Variants in ST6GALNAC3 observed in about 807,000 individuals in gnomAD.
The protein encoded by ST6GALNAC3 is alpha-N-acetylgalactosaminide alpha-2,6-sialyltransferase 3.
ST6GALNAC3 carries 25 observed loss-of-function variants against 32.7 expected under a neutral mutation model. That is an observed-to-expected ratio of 0.76 (90% CI 0.56 to 1.07). The LOEUF is 1.07. ST6GALNAC3 is among the 50% of genes least tolerant of loss of function. The pLI, the probability that ST6GALNAC3 is intolerant of heterozygous loss-of-function variation, is 0.00. For missense variants in ST6GALNAC3, 355 were observed against 382.4 expected, an observed-to-expected ratio of 0.93 and a Z score of 0.60; for synonymous variants, 129 against 133.1, an observed-to-expected ratio of 0.97 and a Z score of 0.21.
At chr1:76,119,808 A>G (rs370544772) in intron 1 of ST6GALNAC3, among the ~76,000 whole-genome samples, 148,603 of 151,850 alleles carry the variant, frequency 0.98, 72,791 homozygotes, top group East Asian at 1. Context: ...TGATGATAAT[A>G]GATATATGTA....
intron 1 of ST6GALNAC3, among the ~76,000 whole-genome samples, chr1:76,131,359 C>T (rs1295427714): frequency 6.6e-6 from 1 of 152,178 alleles, no homozygotes; most frequent in Non-Finnish European, 1.5e-5. Context: ...AAATCAAGCC[C>T]TACCCATTGC....
At chr1:76,157,128 T>C (rs1249522925) in intron 1 of ST6GALNAC3, among the ~76,000 whole-genome samples, 6 of 148,364 alleles carry the variant, frequency 4.0e-5, no homozygotes. Context: ...AGCTCTCAGC[T>C]GACAGCAAGA....
chr1:76,334,953 A>G (rs577904874), intron 2 of ST6GALNAC3, among the ~76,000 whole-genome samples: 1 of 152,338 alleles, frequency 6.6e-6, no homozygotes, highest in East Asian at 1.9e-4. Context: ...TTCTGGTCAC[A>G]AAAACAATCA....
At chr1:76,193,834 A>G (rs72674495) in intron 1 of ST6GALNAC3, among the ~76,000 whole-genome samples, 4,254 of 152,284 alleles carry the variant, frequency 0.028, 112 homozygotes, top group African/African-American at 0.073. Context: ...GACTTTCTTC[A>G]TGGCCTCCTT....
chr1:76,210,635 C>T (rs1489626543), intron 1 of ST6GALNAC3, among the ~76,000 whole-genome samples: 3 of 152,204 alleles, frequency 2.0e-5, no homozygotes, highest in Admixed American at 2.0e-4. Flanking sequence ...AAGGTGTTCG[C>T]ATGTTTGCTT....
chr1:76,222,635 C>T (rs1483251682), intron 1 of ST6GALNAC3, among the ~76,000 whole-genome samples: 1 of 152,028 alleles, frequency 6.6e-6, no homozygotes, highest in South Asian at 2.1e-4. Flanking sequence ...ACATTGTGCA[C>T]ATGTACCCTA....
At chr1:76,213,843 G>A (rs1028869692) in intron 1 of ST6GALNAC3, among the ~76,000 whole-genome samples, 10 of 152,168 alleles carry the variant, frequency 6.6e-5, no homozygotes, top group Admixed American at 5.2e-4. Context: ...ACATGCTTTA[G>A]ATGGTGAACA....
intron 1 of ST6GALNAC3, among the ~76,000 whole-genome samples, chr1:76,193,382 A>G (rs1202344133): frequency 3.3e-5 from 5 of 152,298 alleles, no homozygotes; most frequent in Admixed American, 3.3e-4. Flanking sequence ...GGCTAAATTG[A>G]GCTAATTACC....
intron 3 of ST6GALNAC3, among the ~76,000 whole-genome samples, chr1:76,613,827 C>T (rs1483113031): frequency 6.6e-6 from 1 of 152,184 alleles, no homozygotes; most frequent in African/African-American, 2.4e-5. Context: ...GAACCATGAG[C>T]CAACTAAACC....
At chr1:76,280,894 T>C (rs911221656) in intron 1 of ST6GALNAC3, among the ~76,000 whole-genome samples, 5 of 152,220 alleles carry the variant, frequency 3.3e-5, no homozygotes, top group Non-Finnish European at 7.3e-5. Flanking sequence ...GAGTAGATGC[T>C]CACTGAATAT....
At chr1:76,233,751 C>G (rs1656495313) in intron 1 of ST6GALNAC3, among the ~76,000 whole-genome samples, 1 of 152,052 alleles carries the variant, frequency 6.6e-6, no homozygotes, top group African/African-American at 2.4e-5. Context: ...TTTAAATAAA[C>G]TTAGGGGTAC....
chr1:76,110,273 G>C (rs1011534492), intron 1 of ST6GALNAC3, among the ~76,000 whole-genome samples: 2 of 152,202 alleles, frequency 1.3e-5, no homozygotes, highest in African/African-American at 4.8e-5. Flanking sequence ...TGAATGTCAG[G>C]ATAGTGTATA....
chr1:76,217,399 A>T (rs183236585), intron 1 of ST6GALNAC3, among the ~76,000 whole-genome samples: 319 of 152,276 alleles, frequency 2.1e-3, no homozygotes, highest in Non-Finnish European at 3.6e-3. Flanking sequence ...TATTCAGCAA[A>T]ATCTTTATTT....
chr1:76,349,148 A>T (rs1317100170), intron 2 of ST6GALNAC3, among the ~76,000 whole-genome samples: 1 of 152,140 alleles, frequency 6.6e-6, no homozygotes, highest in Non-Finnish European at 1.5e-5. Flanking sequence ...TGCAAGTACC[A>T]GTGGTGTGTA....
chr1:76,338,686 GCAAAAGATGGCCCCCACCCC>G (rs1268052678), intron 2 of ST6GALNAC3, among the ~76,000 whole-genome samples: 2 of 152,008 alleles, frequency 1.3e-5, no homozygotes, highest in African/African-American at 4.8e-5. Flanking sequence ...GACCTACAAA[GCAAAAGATGGCCCCCACCCC>G]CACCCCTAAT....
intron 3 of ST6GALNAC3, among the ~76,000 whole-genome samples, chr1:76,443,430 T>A (rs1169310401): frequency 2.6e-5 from 4 of 152,204 alleles, no homozygotes; most frequent in Non-Finnish European, 4.4e-5. Context: ...AACAGTGTGA[T>A]CCTACTCGGC....
At chr1:76,311,376 A>C (rs1270269607) in intron 1 of ST6GALNAC3, among the ~76,000 whole-genome samples, 1 of 151,890 alleles carries the variant, frequency 6.6e-6, no homozygotes, top group Non-Finnish European at 1.5e-5. Flanking sequence ...GGTTTGCTAC[A>C]CCCGTCAACT....
chr1:76,124,820 T>C (rs1299533094), intron 1 of ST6GALNAC3, among the ~76,000 whole-genome samples: 1 of 152,222 alleles, frequency 6.6e-6, no homozygotes, highest in African/African-American at 2.4e-5. Context: ...ATCTTCATTG[T>C]CCAATATGGT....
chr1:76,084,888 T>C lies in ST6GALNAC3; in HGVS notation c.18+10004T>C, dbSNP rs1571110698. 2.0e-5 allele frequency among the ~76,000 whole-genome samples: 3 copies of C among 151,780 alleles called. No homozygotes were observed. In the South Asian group the frequency reaches 6.2e-4, roughly 31 times the overall value. Reference sequence around the variant, plus strand: ...TCTGCATGTCAGGCAGCCTACTAGGTAGTTTACAGATATTTATTGTCTCAC... The same window carrying C: ...TCTGCATGTCAGGCAGCCTACTAGGCAGTTTACAGATATTTATTGTCTCAC... On this transcript the variant is annotated intron_variant, in intron 1 of 4. Transcript: ENST00000328299.
Sources: allele counts gnomAD v4.1 joint callset (sites outside exome capture counted in the v4.1 genomes callset), GRCh38; gene constraint gnomAD v4.1.1; transcripts MANE v1.5; gene names NCBI Gene and HGNC (gene_info 2026-07-23, HGNC 2026-07-21).